The following ZFP64 variants were observed in gnomAD, a reference collection of about 807,000 sequenced individuals.
ZFP64 encodes the protein ZFP64 zinc finger protein, also known as zinc finger protein 64.
A neutral mutation model predicts 51.6 loss-of-function variants in ZFP64; 14 were observed. That is an observed-to-expected ratio of 0.27 (90% CI 0.18 to 0.42). The LOEUF (loss-of-function observed/expected upper bound fraction) is 0.42, where lower values mean the gene tolerates loss of function less well. ZFP64 is among the 10% of genes least tolerant of loss of function. The pLI is 1.00. For missense variants in ZFP64, 754 were observed against 906.8 expected, an observed-to-expected ratio of 0.83 and a Z score of 2.16; for synonymous variants, 375 against 361.4, an observed-to-expected ratio of 1.04 and a Z score of -0.43.
intron 2 of ZFP64, among the ~76,000 whole-genome samples, chr20:52,172,691 AC>A (rs1982856122): frequency 1.3e-5 from 2 of 150,594 alleles, no homozygotes; most frequent in African/African-American, 4.9e-5. Context: ...AGCACGGGCC[AC>A]CTCTTTATGT....
intron 1 of ZFP64, among the ~76,000 whole-genome samples, chr20:52,189,863 T>C (rs1984248651): frequency 6.6e-6 from 1 of 152,214 alleles, no homozygotes; most frequent in South Asian, 2.1e-4. Flanking sequence ...CATTATTCCA[T>C]GGTGTCCATG....
intron 5 of ZFP64, chr20:52,104,529 G>T: frequency 2.9e-6 from 1 of 339,062 alleles, no homozygotes. Flanking sequence ...GCCGTCCCCC[G>T]CCCCCCACCG....
chr20:52,086,564 G>A (rs952765445), intron 8 of ZFP64, among the ~76,000 whole-genome samples: 5 of 150,128 alleles, frequency 3.3e-5, no homozygotes, highest in African/African-American at 4.9e-5. Flanking sequence ...TGCAAGCTCC[G>A]CCTCCCAGGT....
Position 52,187,019 on chromosome 20 carries a change from G to A in ZFP64, c.99C>T (p.Cys33=), listed in dbSNP as rs757703146. ...LVELTPDIHI[C]GICKQQFNNL... ...TGTTAAACTGCTGCTTGCAGATGCC[G>A]CAGATATGGATGTCGGGAGTCAGCT... Residue 33 remains cysteine, a synonymous_variant, in exon 2 of 6, where the codon TGC becomes TGT. Transcript: ENST00000216923. The A allele has an allele frequency of 9.3e-6, 15 of 1,613,390 alleles. No homozygotes were observed. Among genetic ancestry groups the A allele is most frequent in the Admixed American group, 8.3e-5 (5 of 59,998 alleles).
intron 2 of ZFP64, chr20:52,175,882 A>AAAAATT: frequency 1.0e-6 from 1 of 980,084 alleles, no homozygotes; most frequent in Non-Finnish European, 1.2e-6. Flanking sequence ...CCCCAAAATA[A>AAAAATT]TTCATTTTCT....
At chr20:52,143,157 G>A (rs1980360244) in intron 5 of ZFP64, among the ~76,000 whole-genome samples, 1 of 143,384 alleles carries the variant, frequency 7.0e-6, no homozygotes, top group Non-Finnish European at 1.6e-5. Context: ...TATGCACTGG[G>A]AAATTTAAAA....
intron 5 of ZFP64, among the ~76,000 whole-genome samples, chr20:52,108,427 G>A (rs931749176): frequency 6.6e-6 from 1 of 151,594 alleles, no homozygotes; most frequent in African/African-American, 2.4e-5. Flanking sequence ...CAACTGATTA[G>A]TCTTATTTTT....
chr20:52,135,782 C>T (rs1377061116), intron 5 of ZFP64, among the ~76,000 whole-genome samples: 2 of 152,032 alleles, frequency 1.3e-5, no homozygotes, highest in Non-Finnish European at 2.9e-5. Context: ...AGCCACTGCG[C>T]CCTGCCAAGA....
chr20:52,104,524 C>T, intron 5 of ZFP64: 1 of 362,370 alleles, frequency 2.8e-6, no homozygotes, highest in Non-Finnish European at 5.4e-6. Context: ...TCACGGCCGT[C>T]CCCCGCCCCC....
At chr20:52,156,783 T>C (rs1981357654) in intron 5 of ZFP64, among the ~76,000 whole-genome samples, 1 of 152,178 alleles carries the variant, frequency 6.6e-6, no homozygotes, top group African/African-American at 2.4e-5. Flanking sequence ...CACTACTTAA[T>C]GGCAAACATT....
rs551838560 is a variant in ZFP64 at position 52,102,107 on chromosome 20, C to CCAAAAAAAAAAAAAAAA, written c.764-3521_764-3520insTTTTTTTTTTTTTTTTG. On this transcript the variant is annotated intron_variant, in intron 5 of 8. Coordinates refer to the ZFP64 transcript ENST00000361387. ...AGCCTGGTGAGAGTAACTCCATCTC[C>CCAAAAAAAAAAAAAAAA]AAAAAAAAAAAAAAAAAAGGCAGCA... Among the ~76,000 whole-genome samples, 26 of 63,420 alleles carry CCAAAAAAAAAAAAAAAA rather than the reference C, an allele frequency of 4.1e-4. 1 individual carries two copies. The highest frequency in any genetic ancestry group is 1.7e-3 in the African/African-American group (25 of 14,722). 41.6% of individuals were successfully genotyped at this position (63,420 alleles called of 152,430 possible). A position where few individuals can be genotyped will look rare whatever the true frequency, so the allele number is the denominator to read the frequency against.
intron 7 of ZFP64, chr20:52,089,193 G>A (rs2078896362): frequency 3.3e-6 from 1 of 307,252 alleles, no homozygotes; most frequent in Non-Finnish European, 6.4e-6. Context: ...AACCCTTCCA[G>A]GCTGATCATA....
chr20:52,191,651 A>T lies in ZFP64; in HGVS notation c.-15T>A, dbSNP rs1984385770. 6.3e-7 allele frequency: 1 copy of T among 1,581,964 alleles called. No homozygotes were observed. Reference sequence around the variant, plus strand: ...CTCGCGTTCATGGCCGCAGACTGGGAGGTCCCCGGCCGGCCGGGATGCCAA... The same window carrying T: ...CTCGCGTTCATGGCCGCAGACTGGGTGGTCCCCGGCCGGCCGGGATGCCAA... On this transcript the variant is annotated 5_prime_UTR_variant, in exon 1 of 6. Transcript: ENST00000216923. The surrounding 1 kb of genome is among the most constrained non-coding windows in gnomAD (Gnocchi z 4.3).
At chr20:52,179,990 G>A (rs908435176) in intron 2 of ZFP64, among the ~76,000 whole-genome samples, 1 of 152,216 alleles carries the variant, frequency 6.6e-6, no homozygotes, top group East Asian at 1.9e-4. Context: ...GTATTTTGTG[G>A]CTTGGACAGT....
intron 4 of ZFP64, among the ~76,000 whole-genome samples, chr20:52,161,446 C>CTTT (rs1236301796): frequency 4.7e-5 from 6 of 127,732 alleles, no homozygotes; most frequent in Admixed American, 8.6e-5. Flanking sequence ...CTTGTGATTG[C>CTTT]TTTCTTTTTT....
intron 1 of ZFP64, among the ~76,000 whole-genome samples, chr20:52,190,533 A>C (rs1396448159): frequency 6.6e-6 from 1 of 152,112 alleles, no homozygotes; most frequent in Non-Finnish European, 1.5e-5. Context: ...TGCTCGTACC[A>C]GCACAGTCCC....
chr20:52,098,294 G>A, intron 6 of ZFP64: 1 of 1,151,276 alleles, frequency 8.7e-7, no homozygotes. Flanking sequence ...GGCCCCCCAG[G>A]GAAGGCTGTT....
In ZFP64 at chr20:52,161,450, CTTTTTTTTT is replaced by C. The variant is rs11469696; in HGVS notation, c.512-1085_512-1077del. ...CCCAGGACCGTCTTGTGATTGCTTT[CTTTTTTTTT>C]TTTTTTTTTTTTGCCAAATACTGCA... is the stretch of plus-strand genomic sequence containing the variant. On this transcript the variant is annotated intron_variant, in intron 4 of 5. Coordinates refer to ENST00000216923, the MANE Select transcript of ZFP64 (RefSeq NM_018197.3). 6.7e-3 allele frequency among the ~76,000 whole-genome samples: 775 copies of C among 115,162 alleles called. 6 individuals carry two copies. Among genetic ancestry groups the C allele is most frequent in the African/African-American group, 0.024 (726 of 30,078 alleles). The allele number at this position is 115,162 out of a possible 152,430, so 75.6% of individuals were successfully genotyped here. A position where few individuals can be genotyped will look rare whatever the true frequency, so the allele number is the denominator to read the frequency against.
chr20:52,121,736 C>G (rs1157761868), intron 5 of ZFP64, among the ~76,000 whole-genome samples: 1 of 152,176 alleles, frequency 6.6e-6, no homozygotes, highest in Non-Finnish European at 1.5e-5. Flanking sequence ...CAACAGATTT[C>G]CAATGCAGAT....
Sources: gnomAD v4.1 joint callset for allele counts (sites outside exome capture counted in the v4.1 genomes callset) on GRCh38, gnomAD v4.1.1 for gene constraint, Gnocchi (gnomAD v3.1) non-coding constraint, MANE v1.5 for transcripts, NCBI Gene and HGNC (gene_info 2026-07-23, HGNC 2026-07-21) for gene names.